ALDH1L1: variants seen among roughly 807,000 people sequenced by gnomAD.
ALDH1L1 encodes cytosolic 10-formyltetrahydrofolate dehydrogenase.
ALDH1L1 carries 68 observed loss-of-function variants against 101.1 expected under a neutral mutation model. The observed-to-expected ratio is 0.67, with a 90% CI of 0.55 to 0.82. The LOEUF (loss-of-function observed/expected upper bound fraction) is 0.82, where lower values mean the gene tolerates loss of function less well. ALDH1L1 is among the 40% of genes least tolerant of loss of function. The pLI, the probability that ALDH1L1 is intolerant of heterozygous loss-of-function variation, is 0.00. For missense variants in ALDH1L1, 1,087 were observed against 1,172.7 expected, an observed-to-expected ratio of 0.93 and a Z score of 1.07; for synonymous variants, 486 against 470.8, an observed-to-expected ratio of 1.03 and a Z score of -0.42.
chr3:126,124,629 G>C (rs1646513352), intron 15 of ALDH1L1, among the ~76,000 whole-genome samples, 178 bp from the exon 16 acceptor site: 1 of 152,146 alleles, frequency 6.6e-6, no homozygotes, highest in Admixed American at 6.5e-5. Flanking sequence ...TGCCCAGCCG[G>C]TGCGCCCACA....
intron 9 of ALDH1L1, among the ~76,000 whole-genome samples, chr3:126,145,544 T>G (rs1163796090): frequency 6.6e-6 from 1 of 152,198 alleles, no homozygotes; most frequent in African/African-American, 2.4e-5. Context: ...AAGGGCTGAA[T>G]TTTGAGGACA....
intron 12 of ALDH1L1, 198 bp downstream of exon 12, chr3:126,135,337 T>C (rs2080409155): frequency 6.8e-6 from 4 of 591,490 alleles, no homozygotes; most frequent in African/African-American, 2.0e-5. Flanking sequence ...CTGTTTCTCA[T>C]ATCCCTTCCT....
intron 2 of ALDH1L1, 78 bp downstream of exon 2, chr3:126,160,775 C>T: frequency 6.4e-7 from 1 of 1,569,628 alleles, no homozygotes; most frequent in Non-Finnish European, 8.6e-7. Context: ...TGCTCCCAGA[C>T]TCCCACCTAC....
chr3:126,137,749 T>G (rs2080478421), intron 10 of ALDH1L1, 64 bp downstream of exon 10: 2 of 1,566,226 alleles, frequency 1.3e-6, no homozygotes, highest in South Asian at 2.4e-5. Flanking sequence ...TTGTCTTATG[T>G]AGTCATAGAT....
At chr3:126,129,624 C>T (rs964995226) in intron 14 of ALDH1L1, 3 of 152,416 alleles carry the variant, frequency 2.0e-5, no homozygotes, top group African/African-American at 7.2e-5. Context: ...GGTAAGCCTC[C>T]TCAGGCACGC....
At chr3:126,112,965 T>C in intron 18 of ALDH1L1, 85 bp from the exon 19 acceptor site, 1 of 1,276,986 alleles carries the variant, frequency 7.8e-7, no homozygotes, top group Non-Finnish European at 1.1e-6. Context: ...CCGCCTCTTC[T>C]AATTAGGAAA....
At chr3:126,120,532 C>T (rs868736692) in intron 16 of ALDH1L1, among the ~76,000 whole-genome samples, 2 of 152,146 alleles carry the variant, frequency 1.3e-5, no homozygotes, top group Non-Finnish European at 2.9e-5. Context: ...ATGGTAGATG[C>T]AAGGGATTAC....
At chr3:126,157,014 G>A (rs537074051) in intron 4 of ALDH1L1, among the ~76,000 whole-genome samples, 1 of 152,298 alleles carries the variant, frequency 6.6e-6, no homozygotes, top group Non-Finnish European at 1.5e-5. Context: ...TCCTAACGAT[G>A]TCATAATTGA....
intron 21 of ALDH1L1, 109 bp from the exon 22 acceptor site, chr3:126,106,034 A>C (rs1945857776): frequency 8.5e-7 from 1 of 1,171,906 alleles, no homozygotes; most frequent in African/African-American, 1.5e-5. Context: ...CCTTCCGAGG[A>C]GAAAATGTGC....
chr3:126,140,638 T>C (rs2080548139), intron 9 of ALDH1L1, among the ~76,000 whole-genome samples: 1 of 152,084 alleles, frequency 6.6e-6, no homozygotes, highest in South Asian at 2.1e-4. Context: ...ACTGTGACAG[T>C]AACACTATAA....
At chr3:126,138,087 G>T in intron 9 of ALDH1L1, 127 bp from the exon 10 acceptor site, 2 of 1,229,358 alleles carry the variant, frequency 1.6e-6, no homozygotes, top group Non-Finnish European at 2.3e-6. Flanking sequence ...GTAGCCATGA[G>T]CCCAGAACTG....
At chr3:126,162,089 C>T (rs533081923) in intron 1 of ALDH1L1, among the ~76,000 whole-genome samples, 1 of 152,130 alleles carries the variant, frequency 6.6e-6, no homozygotes, top group South Asian at 2.1e-4. Flanking sequence ...ATGTGGATGA[C>T]CTCTAGTTCA....
At chr3:126,138,011 TG>T (rs2080487591) in intron 9 of ALDH1L1, 51 bp from the exon 10 acceptor site, 1 of 1,605,410 alleles carries the variant, frequency 6.2e-7, no homozygotes, top group African/African-American at 1.3e-5. Flanking sequence ...TCAGCAGGCC[TG>T]CATCGCTAGC....
Position 126,110,637 on chromosome 3 carries a change from CT to C in ALDH1L1, c.2182-529del, listed in dbSNP as rs1946047499. Among the ~76,000 whole-genome samples the C allele has an allele frequency of 3.3e-5, 5 of 152,218 alleles. No individual in the cohort carries two copies. In the South Asian group the frequency reaches 1.0e-3, roughly 32 times the overall value. ...CCTCCAAGGCCAGGGCATCTCACATCTTGCAAACTCTGCACCCCTAATCAGC... is the reference window on the plus strand; with the variant it reads ...CCTCCAAGGCCAGGGCATCTCACATCTGCAAACTCTGCACCCCTAATCAGC... On this transcript the variant is annotated intron_variant, in intron 19 of 22. Coordinates refer to ENST00000393434, the MANE Select transcript of ALDH1L1 (RefSeq NM_012190.4).
chr3:126,108,591 C>A (rs887765405), intron 20 of ALDH1L1, among the ~76,000 whole-genome samples: 6 of 152,222 alleles, frequency 3.9e-5, no homozygotes, highest in African/African-American at 9.6e-5. Flanking sequence ...ACAGTGACAG[C>A]AGCAGTGCAA....
intron 16 of ALDH1L1, 36 bp downstream of exon 16, chr3:126,124,328 A>AT: frequency 6.4e-7 from 1 of 1,566,896 alleles, no homozygotes; most frequent in Non-Finnish European, 8.7e-7. Flanking sequence ...TCCAGCTGCC[A>AT]GAAGCCCTAG....
At chr3:126,195,533 C>A (rs1028023829) in intron 1 of ALDH1L1, among the ~76,000 whole-genome samples, 2 of 152,190 alleles carry the variant, frequency 1.3e-5, no homozygotes, top group African/African-American at 4.8e-5. Context: ...ACTAGTTCAA[C>A]CATTGTGGAA....
upstream of ALDH1L1, among the ~76,000 whole-genome samples, chr3:126,186,270 C>T (rs910305395): frequency 1.3e-5 from 2 of 152,220 alleles, no homozygotes; most frequent in African/African-American, 4.8e-5. Flanking sequence ...TGGAAAAGCT[C>T]ATGTAGCATC....
intron 9 of ALDH1L1, among the ~76,000 whole-genome samples, chr3:126,140,836 T>A (rs1245052864): frequency 6.6e-6 from 1 of 151,744 alleles, no homozygotes; most frequent in Non-Finnish European, 1.5e-5. Flanking sequence ...CAAAAAAAAT[T>A]ACCAAATACA....
Sources: gnomAD v4.1 joint callset for allele counts (sites outside exome capture counted in the v4.1 genomes callset) on GRCh38, gnomAD v4.1.1 for gene constraint, MANE v1.5 for transcripts, NCBI Gene and HGNC (gene_info 2026-07-23, HGNC 2026-07-21) for gene names.